Variants in TRDMT1 observed in about 807,000 individuals in gnomAD.
TRDMT1 encodes tRNA aspartic acid methyltransferase 1.
A neutral mutation model predicts 51.2 loss-of-function variants in TRDMT1; 49 were observed. The observed-to-expected ratio is 0.96, with a 90% confidence interval of 0.76 to 1.21. TRDMT1 has a LOEUF of 1.21. Among genes scored for constraint, TRDMT1 ranks in the 50% most tolerant of loss-of-function variants. The pLI is 0.00. For synonymous variants in TRDMT1, 187 were observed against 164.6 expected (o/e 1.14, Z -1.04); for missense variants, 534 against 462.3 (o/e 1.16, Z -1.42).
In TRDMT1 at chr10:17,140,954, T is replaced by C. The variant is rs1837631415; in HGVS notation, c.*8086A>G. Among the ~76,000 whole-genome samples, 1 of 152,178 alleles carries C rather than the reference T, an allele frequency of 6.6e-6. No individual in the cohort carries two copies. The highest frequency in any genetic ancestry group is 1.5e-5 in the Non-Finnish European group (1 of 68,026). Reference sequence around the variant, plus strand: ...GTTAACTACCTGCTCGCCCTAATAATTGTAAAGAGCTGCATAGAGGTATAT... The same window carrying C: ...GTTAACTACCTGCTCGCCCTAATAACTGTAAAGAGCTGCATAGAGGTATAT... On this transcript the variant is annotated 3_prime_UTR_variant, in exon 11 of 11. Coordinates refer to ENST00000377799, the MANE Select transcript of TRDMT1 (RefSeq NM_004412.7).
At position 17,145,110 on chromosome 10, in the gene TRDMT1, G is replaced by A. The variant is rs1324403348; in HGVS notation, c.*3930C>T. 1 of 572,978 alleles carries A rather than the reference G, an allele frequency of 1.7e-6. No homozygotes were observed. The highest frequency in any genetic ancestry group is 2.2e-6 in the Non-Finnish European group (1 of 453,414). The allele number at this position is 572,978 out of a possible 1,614,324, so 35.5% of individuals were successfully genotyped here. ...ACTAATACAAAAATTAGCTAGGTGT[G>A]GTGGCATGCGCCTGTAATCCCAGCT... On this transcript the variant is annotated 3_prime_UTR_variant, in exon 11 of 11. Coordinates refer to ENST00000377799, the MANE Select transcript of TRDMT1 (RefSeq NM_004412.7).
At chr10:17,186,829 G>C (rs1417849083) in intron 1 of TRDMT1, among the ~76,000 whole-genome samples, 3 of 152,144 alleles carry the variant, frequency 2.0e-5, no homozygotes, top group African/African-American at 7.2e-5. Context: ...CTTTCATAAA[G>C]TGGAGTATGA....
At position 17,148,475 on chromosome 10, in the gene TRDMT1, C is replaced by T; in HGVS notation, c.*565G>A. On this transcript the variant is annotated 3_prime_UTR_variant, in exon 11 of 11. Coordinates refer to ENST00000377799, the MANE Select transcript of TRDMT1 (RefSeq NM_004412.7). ...TGTGGCCGCTTCATGGAGAGGTAAT[C>T]AAACATTTAGGATTATTTTTCCTGA... 3.0e-6 allele frequency: 3 copies of T among 985,324 alleles called. No individual in the cohort carries two copies. Among genetic ancestry groups the T allele is most frequent in the Non-Finnish European group, 3.6e-6 (3 of 829,926 alleles). 61.0% of individuals were successfully genotyped at this position (985,324 alleles called of 1,614,324 possible). A position where few individuals can be genotyped will look rare whatever the true frequency, so the allele number is the denominator to read the frequency against.
At chr10:17,182,416 T>G (rs1471800770) in intron 1 of TRDMT1, among the ~76,000 whole-genome samples, 1 of 152,186 alleles carries the variant, frequency 6.6e-6, no homozygotes, top group Non-Finnish European at 1.5e-5. Flanking sequence ...AAATAACACT[T>G]CTAAGTGGCA....
intron 1 of TRDMT1, among the ~76,000 whole-genome samples, chr10:17,179,067 G>A (rs1250697882): frequency 1.3e-5 from 2 of 152,172 alleles, no homozygotes; most frequent in Non-Finnish European, 2.9e-5. Context: ...CACAGTGAAG[G>A]AATCTACAAG....
At chr10:17,161,744 T>G (rs180977037) in intron 4 of TRDMT1, among the ~76,000 whole-genome samples, 196 bp from the exon 5 acceptor site, 2 of 152,256 alleles carry the variant, frequency 1.3e-5, no homozygotes, top group South Asian at 2.1e-4. Flanking sequence ...AAGTTAACAT[T>G]TGAAATGTTG....
chr10:17,148,174 T>C lies in TRDMT1; in HGVS notation c.*866A>G, dbSNP rs1838285634. On this transcript the variant is annotated 3_prime_UTR_variant, in exon 11 of 11. Transcript: ENST00000377799. Reference sequence around the variant, plus strand: ...GAAAGTTAAAAGTCATAAAAGTTCATTGAGAGTGTATGTTGCTACAATAAA... The same window carrying C: ...GAAAGTTAAAAGTCATAAAAGTTCACTGAGAGTGTATGTTGCTACAATAAA... 3.0e-6 allele frequency: 3 copies of C among 985,224 alleles called. No individual in the cohort carries two copies. The highest frequency in any genetic ancestry group is 1.7e-5 in the African/African-American group (1 of 57,194). 61.0% of individuals were successfully genotyped at this position (985,224 alleles called of 1,614,324 possible).
chr10:17,190,330 A>T (rs763144042), intron 1 of TRDMT1, among the ~76,000 whole-genome samples: 3 of 152,036 alleles, frequency 2.0e-5, no homozygotes, highest in African/African-American at 4.8e-5. Context: ...TATCATTATG[A>T]TAATAATCAC....
chr10:17,193,322 C>A (rs1360920900), intron 1 of TRDMT1, among the ~76,000 whole-genome samples: 2 of 78,276 alleles, frequency 2.6e-5, no homozygotes, highest in South Asian at 7.3e-4. Context: ...AAGATTAAGC[C>A]ACTGCACTCC....
In TRDMT1 at chr10:17,162,196, C is replaced by G. The variant is rs745967575; in HGVS notation, c.293G>C (p.Ser98Thr). The G allele has an allele frequency of 5.0e-6, 8 of 1,607,928 alleles. No homozygotes were observed. The East Asian group carries it at 1.8e-4, about 36-fold the overall frequency. ...GAGAATATCTAGAATATGTAAGAAG[C>G]TATTCGTCCTTGAATCAGTCATATC... ...QGDMTDSRTN[S>T]FLHILDILPR... is the part of the protein sequence containing the mutation. Residue 98 changes from serine to threonine, a missense_variant, in exon 4 of 11, where the codon AGC becomes ACC. By Grantham distance (58) the Ser-to-Thr change is moderately conservative. Coordinates refer to ENST00000377799, the MANE Select transcript of TRDMT1 (RefSeq NM_004412.7).
chr10:17,189,081 G>A (rs557015273), intron 1 of TRDMT1, among the ~76,000 whole-genome samples: 23 of 152,096 alleles, frequency 1.5e-4, no homozygotes, highest in Admixed American at 3.3e-4. Flanking sequence ...TTTTTGAAAA[G>A]TTTAGTAATT....
intron 2 of TRDMT1, among the ~76,000 whole-genome samples, chr10:17,173,798 A>G (rs1406116841): frequency 1.3e-5 from 2 of 148,202 alleles, no homozygotes; most frequent in African/African-American, 2.5e-5. Context: ...TTTTTGAGAC[A>G]AAGTCGACCA....
At chr10:17,185,375 A>G (rs1235938545) in intron 1 of TRDMT1, among the ~76,000 whole-genome samples, 1 of 152,114 alleles carries the variant, frequency 6.6e-6, no homozygotes. Context: ...ATGAGATACC[A>G]TCTCACACCA....
intron 10 of TRDMT1, chr10:17,153,098 C>G (rs922565627): frequency 1.7e-5 from 4 of 241,630 alleles, no homozygotes; most frequent in African/African-American, 8.9e-5. Context: ...CGAAAATAAT[C>G]CCTCAACTGC....
intron 6 of TRDMT1, among the ~76,000 whole-genome samples, 200 bp from the exon 7 acceptor site, chr10:17,159,429 T>C (rs1345828306): frequency 6.6e-6 from 1 of 152,204 alleles, no homozygotes; most frequent in East Asian, 1.9e-4. Context: ...TGTACTTTTA[T>C]TTGAATGAGT....
intron 2 of TRDMT1, among the ~76,000 whole-genome samples, 180 bp from the exon 3 acceptor site, chr10:17,169,097 G>T (rs775167782): frequency 1.3e-5 from 2 of 152,194 alleles, no homozygotes; most frequent in Non-Finnish European, 2.9e-5. Context: ...AAGTGGGGCA[G>T]TAAACTGAAG....
chr10:17,170,101 A>G (rs562419377), intron 2 of TRDMT1, among the ~76,000 whole-genome samples: 3 of 152,354 alleles, frequency 2.0e-5, no homozygotes, highest in Non-Finnish European at 4.4e-5. Flanking sequence ...CAATTATTCC[A>G]GGGGCATCCT....
In TRDMT1 at chr10:17,147,095, C is replaced by T; in HGVS notation, c.*1945G>A. On this transcript the variant is annotated 3_prime_UTR_variant, in exon 11 of 11. Transcript: ENST00000377799. ...TCGACACTTATTTTGTATAATGTTG[C>T]TCAACCGAATGTGGGATACTATAAT... 6 of 985,744 alleles carry T rather than the reference C, an allele frequency of 6.1e-6. No homozygotes were observed. Among genetic ancestry groups the T allele is most frequent in the South Asian group, 4.7e-5 (1 of 21,288 alleles). 61.1% of individuals were successfully genotyped at this position (985,744 alleles called of 1,614,324 possible).
rs1838247844 is a variant in TRDMT1, at chr10:17,147,738, AC to A, written c.*1301del. ...ATGGGATGACACTTGGGCTGCTTCT[AC>A]CTTTTGGCTACTGTAAATAATGGTG... On this transcript the variant is annotated 3_prime_UTR_variant, in exon 11 of 11. Coordinates refer to ENST00000377799, the MANE Select transcript of TRDMT1 (RefSeq NM_004412.7). 6.4e-6 allele frequency: 1 copy of A among 155,708 alleles called. No homozygotes were observed. Among genetic ancestry groups the A allele is most frequent in the Admixed American group, 6.5e-5 (1 of 15,278 alleles). The allele number at this position is 155,708 out of a possible 1,614,324, so 9.6% of individuals were successfully genotyped here.
Sources: allele counts gnomAD v4.1 joint callset (sites outside exome capture counted in the v4.1 genomes callset), GRCh38; gene constraint gnomAD v4.1.1; transcripts MANE v1.5; gene names NCBI Gene and HGNC (gene_info 2026-07-23, HGNC 2026-07-21).